The following SORCS3 variants were observed in gnomAD, a reference collection of about 807,000 sequenced individuals.
SORCS3 encodes the protein sortilin related VPS10 domain containing receptor 3.
SORCS3 carries 57 observed loss-of-function variants against 146.3 expected under a neutral mutation model. The observed-to-expected ratio is 0.39, with a 90% CI of 0.31 to 0.49. SORCS3 has a LOEUF of 0.49. Ranked by LOEUF, SORCS3 falls within the 20% of genes least tolerant of loss-of-function variation. SORCS3 has a pLI of 0.92. For missense variants in SORCS3, 1,341 were observed against 1,575.5 expected, an observed-to-expected ratio of 0.85 and a Z score of 2.52; for synonymous variants, 653 against 618.5, an observed-to-expected ratio of 1.06 and a Z score of -0.83.
At chr10:104,949,585 T>C (rs1231766779) in intron 3 of SORCS3, among the ~76,000 whole-genome samples, 1 of 152,208 alleles carries the variant, frequency 6.6e-6, no homozygotes, top group Non-Finnish European at 1.5e-5. Context: ...CTATTTTTCT[T>C]AAGACAAGAT....
intron 16 of SORCS3, among the ~76,000 whole-genome samples, chr10:105,208,117 A>T (rs902097456): frequency 7.2e-5 from 11 of 152,104 alleles, no homozygotes; most frequent in Non-Finnish European, 1.5e-4. Context: ...TGAGGTGGGC[A>T]GATCACTTGA....
chr10:105,060,698 G>T (rs1205609312), intron 5 of SORCS3, among the ~76,000 whole-genome samples: 1 of 152,124 alleles, frequency 6.6e-6, no homozygotes, highest in East Asian at 1.9e-4. Context: ...TAGCACTTTG[G>T]GATGCTGAGG....
At chr10:104,975,922 A>G (rs1248171117) in intron 3 of SORCS3, among the ~76,000 whole-genome samples, 2 of 152,270 alleles carry the variant, frequency 1.3e-5, no homozygotes, top group African/African-American at 4.8e-5. Context: ...AAGATGGATT[A>G]AAGACTTAAA....
intron 3 of SORCS3, among the ~76,000 whole-genome samples, chr10:104,929,108 G>A (rs1589553201): frequency 6.6e-6 from 1 of 152,196 alleles, no homozygotes; most frequent in African/African-American, 2.4e-5. Context: ...AGGAAAGAGC[G>A]TGCAGCTCAT....
Position 105,242,578 on chromosome 10 carries a change from T to G in SORCS3, c.2869-2964T>G, listed in dbSNP as rs866016456. ...TATACATTTATATATATTTATATAT[T>G]TATATATATTTATATATGTTTATAT... is the stretch of plus-strand genomic sequence containing the variant. On this transcript the variant is annotated intron_variant, in intron 20 of 26. Coordinates refer to ENST00000369701, the MANE Select transcript of SORCS3 (RefSeq NM_014978.3). Among the ~76,000 whole-genome samples, 4 of 83,458 alleles carry G rather than the reference T, an allele frequency of 4.8e-5. No homozygotes were observed. The East Asian group carries it at 1.4e-3, about 29-fold the overall frequency. The allele number at this position is 83,458 out of a possible 152,430, so 54.8% of individuals were successfully genotyped here.
intron 22 of SORCS3, among the ~76,000 whole-genome samples, chr10:105,250,872 A>G (rs1454055210): frequency 6.6e-6 from 1 of 152,064 alleles, no homozygotes; most frequent in Non-Finnish European, 1.5e-5. Flanking sequence ...TGGCTCTTTC[A>G]CTTTTCTTTA....
At chr10:105,258,783 A>G (rs2119769025) in intron 25 of SORCS3, among the ~76,000 whole-genome samples, 1 of 152,314 alleles carries the variant, frequency 6.6e-6, no homozygotes, top group East Asian at 1.9e-4. Context: ...GTTCCCAGGT[A>G]TCAGCCCACC....
intron 1 of SORCS3, among the ~76,000 whole-genome samples, chr10:104,817,441 C>T (rs1169853315): frequency 2.1e-5 from 2 of 94,080 alleles, no homozygotes; most frequent in African/African-American, 8.4e-5. Context: ...TCTTCCTCCT[C>T]CCCCTTCTCC....
chr10:104,914,013 C>T (rs367931682), intron 2 of SORCS3, among the ~76,000 whole-genome samples: 50 of 152,202 alleles, frequency 3.3e-4, no homozygotes, highest in African/African-American at 1.2e-3. Flanking sequence ...AGGTGATCCA[C>T]CCACCTCGGC....
intron 1 of SORCS3, among the ~76,000 whole-genome samples, chr10:104,796,144 A>T (rs1589502491): frequency 6.6e-6 from 1 of 152,250 alleles, no homozygotes; most frequent in African/African-American, 2.4e-5. Context: ...AGTAGAGCAC[A>T]GTTGTGTTCT....
intron 5 of SORCS3, among the ~76,000 whole-genome samples, chr10:105,044,685 TG>T (rs1467673843): frequency 6.8e-6 from 1 of 147,206 alleles, no homozygotes; most frequent in Non-Finnish European, 1.5e-5. Context: ...AAAAATCAAC[TG>T]TTTTTTTTTT....
chr10:104,833,079 A>T (rs1430662585), intron 1 of SORCS3, among the ~76,000 whole-genome samples: 2 of 152,218 alleles, frequency 1.3e-5, no homozygotes, highest in Non-Finnish European at 2.9e-5. Context: ...CATGTTTATG[A>T]TAAGACCAGT....
intron 1 of SORCS3, among the ~76,000 whole-genome samples, chr10:104,652,800 T>C (rs1379627884): frequency 6.6e-6 from 1 of 152,216 alleles, no homozygotes; most frequent in Non-Finnish European, 1.5e-5. Flanking sequence ...TTTCAGATCA[T>C]GTGAAGTGTT....
intron 1 of SORCS3, among the ~76,000 whole-genome samples, chr10:104,658,017 A>G (rs2015653667): frequency 6.6e-6 from 1 of 152,206 alleles, no homozygotes; most frequent in Admixed American, 6.5e-5. Flanking sequence ...TGAATTATTA[A>G]TATCTACTAT....
At chr10:105,166,053 A>G (rs2056309960) in intron 12 of SORCS3, among the ~76,000 whole-genome samples, 1 of 152,162 alleles carries the variant, frequency 6.6e-6, no homozygotes, top group African/African-American at 2.4e-5. Context: ...CTCAGAGTCT[A>G]TGTTTATATC....
rs770075122 is a variant in SORCS3 at position 105,201,163 on chromosome 10, G to A, written c.2171G>A (p.Arg724His). 3.7e-6 allele frequency: 6 copies of A among 1,612,836 alleles called. No homozygotes were observed. Among genetic ancestry groups the A allele is most frequent in the South Asian group, 1.1e-5 (1 of 90,768 alleles). Residue 724 changes from arginine (R) to histidine (H), a missense_variant, in exon 16 of 27, where the codon CGT becomes CAT. By Grantham distance (29) the Arg-to-His change is conservative. Coordinates refer to ENST00000369701, the MANE Select transcript of SORCS3 (RefSeq NM_014978.3). ...GGAGAAAGGAAAATATTCAAGAAAC[G>A]TAAGCCAGGAGCTCAGTGTGCCCTG... is the stretch of plus-strand genomic sequence containing the variant. ...VMGERKIFKK[R>H]KPGAQCALGR...
intron 1 of SORCS3, among the ~76,000 whole-genome samples, chr10:104,825,144 T>G (rs1056007143): frequency 2.6e-5 from 4 of 152,176 alleles, no homozygotes; most frequent in African/African-American, 9.7e-5. Flanking sequence ...TGCCCCTTCT[T>G]GAGGACATGG....
At chr10:104,883,116 G>A (rs902459624) in intron 2 of SORCS3, among the ~76,000 whole-genome samples, 4 of 152,190 alleles carry the variant, frequency 2.6e-5, no homozygotes, top group Non-Finnish European at 5.9e-5. Flanking sequence ...GAAGATTCCT[G>A]AACTTCACTG....
rs756541752 is a variant in SORCS3, at chr10:105,214,620, G to A, written c.2547+7G>A. The A allele has an allele frequency of 6.4e-7, 1 of 1,557,582 alleles. No individual in the cohort carries two copies. The highest frequency in any genetic ancestry group is 1.4e-5 in the African/African-American group (1 of 72,936). On this transcript the variant is annotated splice_region_variant and intron_variant, in intron 18 of 26. Coordinates refer to ENST00000369701, the MANE Select transcript of SORCS3 (RefSeq NM_014978.3). ...CATCATCCTCATGGAGGAGGTAGGT[G>A]CTCAACTGGGTCTCTGAGGTCAGAA...
Sources: gnomAD v4.1 joint callset for allele counts (sites outside exome capture counted in the v4.1 genomes callset) on GRCh38, gnomAD v4.1.1 for gene constraint, MANE v1.5 for transcripts, NCBI Gene and HGNC (gene_info 2026-07-23, HGNC 2026-07-21) for gene names.